The following NPAS3 variants were observed in gnomAD, a reference collection of about 807,000 sequenced individuals.
NPAS3 encodes the protein neuronal PAS domain-containing protein 3.
In NPAS3, 14 loss-of-function variants were observed where a neutral mutation model predicts 73.1. That is an observed-to-expected ratio of 0.19 (90% CI 0.13 to 0.30). The LOEUF (loss-of-function observed/expected upper bound fraction) is 0.30. NPAS3 is among the 10% of genes least tolerant of loss of function. NPAS3 has a pLI of 1.00. For synonymous variants in NPAS3, 620 were observed against 541.5 expected, an observed-to-expected ratio of 1.14 and a Z score of -2.01; for missense variants, 1,096 against 1,250.0, an observed-to-expected ratio of 0.88 and a Z score of 1.86.
intron 1 of NPAS3, among the ~76,000 whole-genome samples, chr14:32,965,220 G>A (rs537618180): frequency 2.6e-5 from 4 of 152,022 alleles, no homozygotes; most frequent in South Asian, 2.1e-4. Context: ...ATTCTAAAAG[G>A]CTAACATTAC....
At chr14:33,101,944 A>C (rs528654128) in intron 2 of NPAS3, among the ~76,000 whole-genome samples, 6 of 152,210 alleles carry the variant, frequency 3.9e-5, no homozygotes, top group African/African-American at 1.4e-4. Context: ...CTGAGGCATC[A>C]TTCTTGTAAC....
chr14:33,250,531 C>A (rs1484613191), intron 3 of NPAS3, among the ~76,000 whole-genome samples: 1 of 152,138 alleles, frequency 6.6e-6, no homozygotes, highest in African/African-American at 2.4e-5. Context: ...TAGCCCCACA[C>A]TGATGCTCGC....
chr14:33,563,929 C>T (rs552243718), intron 5 of NPAS3, among the ~76,000 whole-genome samples: 2 of 152,168 alleles, frequency 1.3e-5, no homozygotes, highest in East Asian at 1.9e-4. Flanking sequence ...GCTTAATCGC[C>T]AAAGAATCCA....
At chr14:33,027,390 T>G (rs1179740246) in intron 1 of NPAS3, among the ~76,000 whole-genome samples, 2 of 152,216 alleles carry the variant, frequency 1.3e-5, no homozygotes, top group Non-Finnish European at 2.9e-5. Flanking sequence ...CAGCCTTTTC[T>G]TTCTAAAGCT....
chr14:33,025,490 G>C (rs567296732), intron 1 of NPAS3, among the ~76,000 whole-genome samples: 1 of 152,194 alleles, frequency 6.6e-6, no homozygotes, highest in African/African-American at 2.4e-5. Flanking sequence ...CTACAAGAGA[G>C]GTTGGTTAGA....
At chr14:32,971,211 A>C (rs925100642) in intron 1 of NPAS3, among the ~76,000 whole-genome samples, 8 of 151,088 alleles carry the variant, frequency 5.3e-5, no homozygotes, top group East Asian at 1.9e-4. Context: ...CAGCCTCTGG[A>C]GTAGCTGGGA....
intron 4 of NPAS3, among the ~76,000 whole-genome samples, chr14:33,480,520 A>G: frequency 3.1e-5 from 1 of 31,810 alleles, no homozygotes; most frequent in Non-Finnish European, 6.6e-5. Flanking sequence ...CCTCTCCCCC[A>G]CTCTCCCCCT....
intron 2 of NPAS3, among the ~76,000 whole-genome samples, chr14:33,063,629 G>T (rs189880664): frequency 6.6e-5 from 10 of 152,092 alleles, no homozygotes; most frequent in Admixed American, 4.6e-4. Context: ...CTGTGACTCC[G>T]TTCCTGCTAT....
intron 1 of NPAS3, among the ~76,000 whole-genome samples, chr14:33,040,675 G>T (rs556250277): frequency 3.7e-4 from 57 of 152,200 alleles, no homozygotes; most frequent in African/African-American, 1.3e-3. Context: ...CAATGTTAAA[G>T]CCCCAAGGTT....
At chr14:33,019,608 T>C (rs2039520314) in intron 1 of NPAS3, among the ~76,000 whole-genome samples, 1 of 152,240 alleles carries the variant, frequency 6.6e-6, no homozygotes, top group Non-Finnish European at 1.5e-5. Flanking sequence ...AAGTGAATGA[T>C]TGATTTGCTG....
At chr14:32,990,936 AAAAC>A (rs1450289856) in intron 1 of NPAS3, among the ~76,000 whole-genome samples, 1 of 147,004 alleles carries the variant, frequency 6.8e-6, no homozygotes, top group Non-Finnish European at 1.5e-5. Flanking sequence ...AACAAAAACA[AAAAC>A]AAAAAAAAAC....
intron 4 of NPAS3, among the ~76,000 whole-genome samples, chr14:33,549,918 A>G (rs2055031721): frequency 1.3e-5 from 2 of 152,192 alleles, no homozygotes; most frequent in Admixed American, 1.3e-4. Context: ...CAGCCAGAAT[A>G]GTCATCGAAG....
intron 5 of NPAS3, among the ~76,000 whole-genome samples, chr14:33,576,264 G>T (rs987709230): frequency 6.6e-6 from 1 of 152,100 alleles, no homozygotes; most frequent in Non-Finnish European, 1.5e-5. Context: ...TTATATTTGA[G>T]TGTAAATTTT....
At chr14:33,223,321 A>C (rs72642567) in intron 3 of NPAS3, among the ~76,000 whole-genome samples, 20,181 of 152,110 alleles carry the variant, frequency 0.13, 1,589 homozygotes, top group East Asian at 0.3. Flanking sequence ...CAAAAGCAAA[A>C]CAAAACTGTA....
chr14:33,669,932 T>TGAGAC (rs1595400151), intron 5 of NPAS3, among the ~76,000 whole-genome samples: 2 of 152,132 alleles, frequency 1.3e-5, no homozygotes, highest in East Asian at 3.9e-4. Context: ...TGTTTGTTTT[T>TGAGAC]GAGACAGAGT....
chr14:33,401,362 T>G (rs963663878), intron 4 of NPAS3, among the ~76,000 whole-genome samples: 1 of 152,158 alleles, frequency 6.6e-6, no homozygotes, highest in Non-Finnish European at 1.5e-5. Context: ...TCCAGGAAGC[T>G]TTCCATATAG....
At chr14:33,466,831 G>A (rs1370778576) in intron 4 of NPAS3, among the ~76,000 whole-genome samples, 2 of 152,104 alleles carry the variant, frequency 1.3e-5, no homozygotes, top group African/African-American at 4.8e-5. Context: ...AACCATTCAT[G>A]AGAACTCCAC....
chr14:33,484,101 A>T (rs1359296635), intron 4 of NPAS3, among the ~76,000 whole-genome samples: 1 of 152,164 alleles, frequency 6.6e-6, no homozygotes, highest in Admixed American at 6.6e-5. Context: ...TTGATAAGGG[A>T]TGTTAGAAAT....
At position 33,540,192 on chromosome 14, in the gene NPAS3, A is replaced by G. The variant is rs141052801; in HGVS notation, c.469-19929A>G. On this transcript the variant is annotated intron_variant, in intron 4 of 11. Coordinates refer to ENST00000356141, the Ensembl canonical transcript of NPAS3. ...AATGTGAGGATGTGACCTCACAGCA[A>G]TTTTTTCATTTCCTTTCTCTGTATT... 1.9e-3 allele frequency among the ~76,000 whole-genome samples: 283 copies of G among 152,294 alleles called. 1 individual carries two copies. Among genetic ancestry groups the G allele is most frequent in the African/African-American group, 6.3e-3 (263 of 41,564 alleles).
Sources: gnomAD v4.1 joint callset for allele counts (sites outside exome capture counted in the v4.1 genomes callset) on GRCh38, gnomAD v4.1.1 for gene constraint, MANE v1.5 for transcripts, NCBI Gene and HGNC (gene_info 2026-07-23, HGNC 2026-07-21) for gene names.